The following MID1 variants were observed in gnomAD, a reference collection of about 807,000 sequenced individuals.
MID1 encodes midline 1, also known as E3 ubiquitin-protein ligase Midline-1.
MID1 carries 7 observed loss-of-function variants against 40.4 expected under a neutral mutation model. The ratio of observed to expected loss-of-function variants is 0.17; its 90% CI spans 0.10 to 0.33. The LOEUF is 0.33. Ranked by LOEUF, MID1 falls within the 10% of genes least tolerant of loss-of-function variation. The pLI is 1.00. For synonymous variants in MID1, 229 were observed against 221.2 expected (o/e 1.04, Z -0.31); for missense variants, 367 against 558.5 (o/e 0.66, Z 3.46).
chrX:10,484,623 C>T (rs1399365482), intron 4 of MID1, among the ~76,000 whole-genome samples: 1 of 112,228 alleles, frequency 8.9e-6, no homozygotes, highest in Non-Finnish European at 1.9e-5. Flanking sequence ...TCATCTGATA[C>T]ATCTGATTTG....
intron 1 of MID1, among the ~76,000 whole-genome samples, chrX:10,626,159 T>C (rs918240356): frequency 9.0e-6 from 1 of 110,873 alleles, no homozygotes; most frequent in Non-Finnish European, 1.9e-5. Flanking sequence ...ATTTCTGATA[T>C]AGATATTATG....
chrX:10,601,847 G>A (rs1935527249), intron 1 of MID1, among the ~76,000 whole-genome samples: 1 of 110,373 alleles, frequency 9.1e-6, no homozygotes, highest in Non-Finnish European at 1.9e-5. Context: ...GGAATATTCT[G>A]CTTGTTCCCT....
chrX:10,504,763 C>T (rs1931742500), intron 3 of MID1, among the ~76,000 whole-genome samples: 1 of 102,212 alleles, frequency 9.8e-6, no homozygotes, highest in African/African-American at 3.5e-5. Context: ...AGTTGGGGGA[C>T]TTTTTTTTTT....
intron 8 of MID1, among the ~76,000 whole-genome samples, chrX:10,455,932 TC>T (rs1403334090): frequency 8.9e-6 from 1 of 112,271 alleles, no homozygotes; most frequent in Non-Finnish European, 1.9e-5. Context: ...TGTTACTTCT[TC>T]TTTGACAATT....
At chrX:10,569,016 T>C (rs941137811) in intron 1 of MID1, among the ~76,000 whole-genome samples, 1 of 111,793 alleles carries the variant, frequency 8.9e-6, no homozygotes, top group African/African-American at 3.3e-5. Context: ...GCCGGATTTA[T>C]GGGAAGGCTT....
chrX:10,648,020 C>T (rs1602494914), intron 1 of MID1, among the ~76,000 whole-genome samples: 1 of 112,262 alleles, frequency 8.9e-6, no homozygotes, highest in South Asian at 3.7e-4. Context: ...CTTTTTAAAA[C>T]CATCACCTCT....
At chrX:10,641,331 AG>A (rs1936192405) in intron 1 of MID1, among the ~76,000 whole-genome samples, 1 of 111,912 alleles carries the variant, frequency 8.9e-6, no homozygotes, top group Non-Finnish European at 1.9e-5. Flanking sequence ...AAAATGATAA[AG>A]GGGATATCAC....
upstream of MID1, among the ~76,000 whole-genome samples, chrX:10,622,700 G>A (rs1435020008): frequency 9.0e-6 from 1 of 111,049 alleles, no homozygotes; most frequent in African/African-American, 3.3e-5. Flanking sequence ...CCAGAACTAC[G>A]AGAAATAATT....
intron 2 of MID1, among the ~76,000 whole-genome samples, chrX:10,558,164 C>T (rs1285007196): frequency 9.0e-6 from 1 of 111,169 alleles, no homozygotes; most frequent in East Asian, 2.8e-4. Flanking sequence ...GACCTTCCCT[C>T]CAGGTGACTC....
At chrX:10,566,633 C>T (rs777479856) in intron 2 of MID1, among the ~76,000 whole-genome samples, 1 of 108,824 alleles carries the variant, frequency 9.2e-6, no homozygotes, top group African/African-American at 3.4e-5. Context: ...AGAAAAACTG[C>T]ATGGATTGAA....
At chrX:10,452,816 G>A (rs189518089) in intron 9 of MID1, among the ~76,000 whole-genome samples, 1 of 111,686 alleles carries the variant, frequency 9.0e-6, no homozygotes, top group East Asian at 2.8e-4. Context: ...AGGTAATGCT[G>A]ATGTGTGTTT....
At chrX:10,639,855 A>G (rs1018599578) in intron 1 of MID1, among the ~76,000 whole-genome samples, 3 of 112,143 alleles carry the variant, frequency 2.7e-5, no homozygotes, top group Non-Finnish European at 5.6e-5. Context: ...AGTGAGGGCC[A>G]ATATTCAACA....
At chrX:10,476,426 G>C (rs1930016750) in intron 5 of MID1, among the ~76,000 whole-genome samples, 1 of 110,384 alleles carries the variant, frequency 9.1e-6, no homozygotes, top group African/African-American at 3.3e-5. Flanking sequence ...GGGAGGCCTT[G>C]GCCTCCCAAA....
intron 1 of MID1, among the ~76,000 whole-genome samples, chrX:10,719,610 T>C (rs1338475257): frequency 1.8e-5 from 2 of 111,820 alleles, no homozygotes; most frequent in Non-Finnish European, 3.8e-5. Flanking sequence ...ATCATGAAAA[T>C]GGTCATACTG....
intron 3 of MID1, among the ~76,000 whole-genome samples, chrX:10,519,497 C>A (rs769281038): frequency 2.2e-4 from 25 of 111,830 alleles, no homozygotes; most frequent in African/African-American, 7.1e-4. Context: ...CTGCAACACA[C>A]TGCTGCCTTC....
At chrX:10,711,009 T>C (rs1045114327) in intron 1 of MID1, among the ~76,000 whole-genome samples, 14 of 111,510 alleles carry the variant, frequency 1.3e-4, no homozygotes, top group African/African-American at 4.2e-4. Context: ...AAATGGCTCT[T>C]CATCTTTTCT....
chrX:10,739,862 T>C (rs1419899934), intron 1 of MID1, among the ~76,000 whole-genome samples: 1 of 112,410 alleles, frequency 8.9e-6, no homozygotes. Flanking sequence ...AGACTCTCTT[T>C]TGTGAGCATG....
chrX:10,652,284 G>A (rs1193790537), intron 1 of MID1, among the ~76,000 whole-genome samples: 4 of 111,678 alleles, frequency 3.6e-5, no homozygotes, highest in African/African-American at 1.3e-4. Flanking sequence ...GGGCATTTAA[G>A]AGCCAACCAT....
chrX:10,577,313 C>T (rs1359326966), intron 1 of MID1, among the ~76,000 whole-genome samples: 1 of 111,850 alleles, frequency 8.9e-6, no homozygotes, highest in Non-Finnish European at 1.9e-5. Context: ...GACTCATTTG[C>T]CTTTGGGGCC....
Sources: gnomAD v4.1 joint callset for allele counts (sites outside exome capture counted in the v4.1 genomes callset) on GRCh38, gnomAD v4.1.1 for gene constraint, MANE v1.5 for transcripts, NCBI Gene and HGNC (gene_info 2026-07-23, HGNC 2026-07-21) for gene names.